Variants in STPG4 observed in about 807,000 individuals in gnomAD.
STPG4 encodes the protein protein STPG4.
A neutral mutation model predicts 31.5 loss-of-function variants in STPG4; 41 were observed. The ratio of observed to expected loss-of-function variants is 1.30; its 90% CI spans 1.01 to 1.69. The LOEUF (loss-of-function observed/expected upper bound fraction) is 1.69. Among genes scored for constraint, STPG4 ranks in the 40% most tolerant of loss-of-function variants. STPG4 has a pLI of 0.00. For missense variants in STPG4, 375 were observed against 293.4 expected, an observed-to-expected ratio of 1.28 and a Z score of -2.03; for synonymous variants, 141 against 103.0, an observed-to-expected ratio of 1.37 and a Z score of -2.24.
chr2:47,098,734 G>T (rs1463819830), intron 5 of STPG4, among the ~76,000 whole-genome samples: 3 of 148,726 alleles, frequency 2.0e-5, no homozygotes, highest in Non-Finnish European at 4.4e-5. Flanking sequence ...AATTTGGTGT[G>T]TGTGACACAC....
At chr2:47,128,969 G>C (rs1253925253) in intron 5 of STPG4, 4 of 152,328 alleles carry the variant, frequency 2.6e-5, no homozygotes, top group African/African-American at 7.2e-5. Context: ...TTTATTCGAA[G>C]CCCAAGGGCT....
chr2:47,094,776 A>G (rs1685637100), intron 5 of STPG4, among the ~76,000 whole-genome samples: 1 of 152,172 alleles, frequency 6.6e-6, no homozygotes, highest in Non-Finnish European at 1.5e-5. Context: ...TCTTGCTGCA[A>G]AAGACTCAGA....
intron 3 of STPG4, among the ~76,000 whole-genome samples, chr2:47,138,697 G>GCA (rs1686647148): frequency 6.6e-6 from 1 of 152,090 alleles, no homozygotes; most frequent in African/African-American, 2.4e-5. Context: ...TTACAGGAAC[G>GCA]TGCCACCACA....
chr2:47,151,166 C>A, intron 3 of STPG4, 92 bp downstream of exon 3: 2 of 1,455,764 alleles, frequency 1.4e-6, no homozygotes, highest in Non-Finnish European at 1.9e-6. Flanking sequence ...TCCATTTCTC[C>A]TGGGGGAAGA....
In STPG4 at chr2:47,129,953, G is replaced by C. The variant is rs763398445; in HGVS notation, c.507C>G (p.Thr169=). 3 of 1,608,820 alleles carry C rather than the reference G, an allele frequency of 1.9e-6. No individual in the cohort carries two copies. The highest frequency in any genetic ancestry group is 2.6e-6 in the Non-Finnish European group (3 of 1,176,040). The change falls in exon 5 of 7, where the codon ACC becomes ACG. Residue 169 remains threonine, a synonymous_variant. Coordinates refer to ENST00000445927, the MANE Select transcript of STPG4 (RefSeq NM_001163561.2). ...FRSTVQRFPT[T]YFIPHEGPGP... ...ACATTATACTTACGGGAATAAAATA[G>C]GTTGTTGGGAATCTTTGAACTGTTG...
intron 5 of STPG4, among the ~76,000 whole-genome samples, chr2:47,097,094 TAG>T (rs1242952493): frequency 6.6e-6 from 1 of 152,104 alleles, no homozygotes; most frequent in East Asian, 1.9e-4. Flanking sequence ...AGCAAGCAGG[TAG>T]AGACTGGCGG....
intron 5 of STPG4, 117 bp downstream of exon 5, chr2:47,129,824 C>T: frequency 7.7e-7 from 1 of 1,297,308 alleles, no homozygotes; most frequent in Non-Finnish European, 1.1e-6. Flanking sequence ...AATGGTGTTC[C>T]TGCTAGGGGG....
intron 5 of STPG4, among the ~76,000 whole-genome samples, chr2:47,106,802 T>G (rs901555710): frequency 3.3e-5 from 5 of 152,070 alleles, no homozygotes; most frequent in Admixed American, 3.3e-4. Flanking sequence ...ATCTTGCTGT[T>G]ACTAGCCTTT....
At chr2:47,099,527 C>G (rs1685743014) in intron 5 of STPG4, among the ~76,000 whole-genome samples, 1 of 152,284 alleles carries the variant, frequency 6.6e-6, no homozygotes, top group South Asian at 2.1e-4. Context: ...GAATGGAAAT[C>G]TGGAAGGCCA....
At chr2:47,152,011 C>A (rs1434722877) in intron 2 of STPG4, among the ~76,000 whole-genome samples, 1 of 151,980 alleles carries the variant, frequency 6.6e-6, no homozygotes, top group Non-Finnish European at 1.5e-5. Context: ...GATCCGCCCG[C>A]CTTGGCATCC....
intron 5 of STPG4, among the ~76,000 whole-genome samples, chr2:47,114,565 G>GT (rs1558677688): frequency 1.3e-5 from 2 of 152,204 alleles, no homozygotes; most frequent in African/African-American, 2.4e-5. Context: ...CACAGCATTT[G>GT]TTTTTTATCT....
chr2:47,091,758 G>C (rs569236290), intron 5 of STPG4, among the ~76,000 whole-genome samples: 2 of 152,266 alleles, frequency 1.3e-5, no homozygotes, highest in African/African-American at 4.8e-5. Context: ...CGGAGTTTAA[G>C]ATGACATATA....
At position 47,090,408 on chromosome 2, in the gene STPG4, T is replaced by C. The variant is rs185842543; in HGVS notation, c.520-34A>G. The C allele has an allele frequency of 1.6e-4, 212 of 1,314,204 alleles. 1 individual carries two copies. The African/African-American group carries it at 2.5e-3, about 15-fold the overall frequency. The allele number at this position is 1,314,204 out of a possible 1,614,324, so 81.4% of individuals were successfully genotyped here. On this transcript the variant is annotated intron_variant, in intron 5 of 6. Transcript: ENST00000445927. ...CATTTAAAAAATTGCTTCATTATTA[T>C]TGTACATTTGATATATTTTAAGGCT...
intron 5 of STPG4, among the ~76,000 whole-genome samples, chr2:47,126,916 C>T (rs948174133): frequency 1.3e-5 from 2 of 151,882 alleles, no homozygotes; most frequent in Non-Finnish European, 2.9e-5. Flanking sequence ...TTATTTACTT[C>T]TTTCCTCTTG....
chr2:47,100,862 A>T lies in STPG4; in HGVS notation c.520-10488T>A, dbSNP rs906954082. 9.2e-5 allele frequency among the ~76,000 whole-genome samples: 14 copies of T among 151,754 alleles called. 1 individual carries two copies. Among genetic ancestry groups the T allele is most frequent in the African/African-American group, 3.4e-4 (14 of 41,122 alleles). ...AAGGAAGAAACTCCGAACACATCCG[A>T]ACATCAGAAGGAACAAACTCCAGAC... On this transcript the variant is annotated intron_variant, in intron 5 of 6. Coordinates refer to ENST00000445927, the MANE Select transcript of STPG4 (RefSeq NM_001163561.2).
intron 5 of STPG4, among the ~76,000 whole-genome samples, chr2:47,115,681 CTCGCTG>C (rs1686135911): frequency 8.8e-6 from 1 of 113,970 alleles, no homozygotes; most frequent in South Asian, 3.0e-4. Context: ...GAGACAGAGT[CTCGCTG>C]TGTCACCCAG....
intron 5 of STPG4, among the ~76,000 whole-genome samples, chr2:47,123,120 C>A (rs1375136786): frequency 1.3e-5 from 2 of 152,118 alleles, no homozygotes; most frequent in African/African-American, 4.8e-5. Flanking sequence ...GCCACTGTGC[C>A]CAGCCAATTT....
At chr2:47,105,958 C>T (rs545759496) in intron 5 of STPG4, among the ~76,000 whole-genome samples, 1 of 151,842 alleles carries the variant, frequency 6.6e-6, no homozygotes, top group African/African-American at 2.4e-5. Flanking sequence ...GGGAATCTTA[C>T]ACTGACAAAG....
intron 5 of STPG4, among the ~76,000 whole-genome samples, chr2:47,092,799 G>T (rs1206399950): frequency 6.7e-6 from 1 of 148,708 alleles, no homozygotes; most frequent in African/African-American, 2.5e-5. Flanking sequence ...CCACGGTTCT[G>T]TTTTTTTTTT....
Sources: gnomAD v4.1 joint callset for allele counts (sites outside exome capture counted in the v4.1 genomes callset) on GRCh38, gnomAD v4.1.1 for gene constraint, MANE v1.5 for transcripts, NCBI Gene and HGNC (gene_info 2026-07-23, HGNC 2026-07-21) for gene names.